Variants in FGFR3 observed in about 807,000 individuals in gnomAD.
FGFR3 encodes FGFR-3.
A neutral mutation model predicts 82.9 loss-of-function variants in FGFR3; 25 were observed. The observed-to-expected ratio is 0.30, with a 90% CI of 0.22 to 0.42. The LOEUF (loss-of-function observed/expected upper bound fraction) is 0.42. Among genes scored for constraint, FGFR3 ranks in the 10% least tolerant of loss-of-function variants. The pLI is 1.00. For missense variants in FGFR3, 1,026 were observed against 1,161.0 expected (o/e 0.88, Z 1.69); for synonymous variants, 620 against 516.0 (o/e 1.20, Z -2.73).
chr4:1,807,614 A>G lies in FGFR3; in HGVS notation c.*352A>G, dbSNP rs1020605536. ...CGTGGGGCAGGGAGCTGGGCCCGACATGGCTCCGGCCTCTGCCTTTGCACC... is the reference window on the plus strand; with the variant it reads ...CGTGGGGCAGGGAGCTGGGCCCGACGTGGCTCCGGCCTCTGCCTTTGCACC... On this transcript the variant is annotated 3_prime_UTR_variant, in exon 18 of 18. Coordinates refer to ENST00000440486, the MANE Select transcript of FGFR3 (RefSeq NM_000142.5). 3 of 660,636 alleles carry G rather than the reference A, an allele frequency of 4.5e-6. No homozygotes were observed. In the Admixed American group the frequency reaches 5.4e-5, roughly 12 times the overall value. The allele number at this position is 660,636 out of a possible 1,614,324, so 40.9% of individuals were successfully genotyped here.
At position 1,807,884 on chromosome 4, in the gene FGFR3, G is replaced by A. The variant is rs184903110; in HGVS notation, c.*622G>A. 9 of 420,940 alleles carry A rather than the reference G, an allele frequency of 2.1e-5. No individual in the cohort carries two copies. The highest frequency in any genetic ancestry group is 1.1e-4 in the Admixed American group (3 of 26,924). 26.1% of individuals were successfully genotyped at this position (420,940 alleles called of 1,614,324 possible). On this transcript the variant is annotated 3_prime_UTR_variant, in exon 18 of 18. Coordinates refer to ENST00000440486, the MANE Select transcript of FGFR3 (RefSeq NM_000142.5). ...GTGTACATTTCTATAAATAGATGCT[G>A]TGTATATGGTATATATACATATATA...
chr4:1,807,518 G>A lies in FGFR3; in HGVS notation c.*256G>A, dbSNP rs774583097. 1 of 715,182 alleles carries A rather than the reference G, an allele frequency of 1.4e-6. No homozygotes were observed. Among genetic ancestry groups the A allele is most frequent in the Admixed American group, 1.9e-5 (1 of 51,438 alleles). 44.3% of individuals were successfully genotyped at this position (715,182 alleles called of 1,614,324 possible). A position where few individuals can be genotyped will look rare whatever the true frequency, so the allele number is the denominator to read the frequency against. ...GTGCAACGGTCTCCTGACTGGTGCT[G>A]CAGCACCGAGGGGCCTTTGTTCTGG... On this transcript the variant is annotated 3_prime_UTR_variant, in exon 18 of 18. Coordinates refer to ENST00000440486, the MANE Select transcript of FGFR3 (RefSeq NM_000142.5).
At chr4:1,803,276 G>A (rs1577280735) in intron 7 of FGFR3, 2 of 591,494 alleles carry the variant, frequency 3.4e-6, no homozygotes, top group South Asian at 5.5e-5. Flanking sequence ...CCGCACGCCT[G>A]CGACCCCCAC....
intron 2 of FGFR3, among the ~76,000 whole-genome samples, chr4:1,795,142 G>C (rs773863448): frequency 2.6e-5 from 4 of 151,956 alleles, no homozygotes; most frequent in Non-Finnish European, 5.9e-5. Flanking sequence ...AAAGTGGCCC[G>C]GCGCTTGAAT....
At chr4:1,800,030 G>A (rs953212177) in intron 4 of FGFR3, among the ~76,000 whole-genome samples, 10 of 152,164 alleles carry the variant, frequency 6.6e-5, no homozygotes, top group African/African-American at 2.2e-4. Flanking sequence ...AGGGGACACC[G>A]TGTTGCTGAT....
In FGFR3 at chr4:1,807,111, A is replaced by G. The variant is rs2108816829; in HGVS notation, c.2275-5A>G. ...CACAGCGCTCACCCCGCCTCCCGCC[A>G]GCAGGAGTACCTGGACCTGTCGGCG... On this transcript the variant is annotated splice_polypyrimidine_tract_variant and splice_region_variant and intron_variant, in intron 17 of 17. Transcript: ENST00000440486. The G allele has an allele frequency of 6.3e-7, 1 of 1,576,794 alleles. No individual in the cohort carries two copies. Among genetic ancestry groups the G allele is most frequent in the Non-Finnish European group, 8.6e-7 (1 of 1,161,752 alleles).
chr4:1,804,099 C>T (rs576998315), intron 8 of FGFR3, among the ~76,000 whole-genome samples: 38 of 152,326 alleles, frequency 2.5e-4, no homozygotes, highest in African/African-American at 7.2e-4. Context: ...GTCTCCCGGG[C>T]GCCTGGTGGC....
chr4:1,807,398 TGCGTGTGTGTGTGTGTGTGTGCACATCC>T lies in FGFR3; in HGVS notation c.*144_*171del, dbSNP rs964365033. On this transcript the variant is annotated 3_prime_UTR_variant, in exon 18 of 18. Transcript: ENST00000440486. ...GAGCTTTGGTCTGTGTGTGTGTGTG[TGCGTGTGTGTGTGTGTGTGTGCACATCC>T]GCGTGTGCCTGTGTGCGTGCGCATC... 2.0e-6 allele frequency: 2 copies of T among 984,964 alleles called. No individual in the cohort carries two copies. The highest frequency in any genetic ancestry group is 6.3e-5 in the African/African-American group (2 of 31,582). 61.0% of individuals were successfully genotyped at this position (984,964 alleles called of 1,614,324 possible). A position where few individuals can be genotyped will look rare whatever the true frequency, so the allele number is the denominator to read the frequency against.
At chr4:1,794,622 G>C (rs2108754473) in intron 2 of FGFR3, among the ~76,000 whole-genome samples, 1 of 152,278 alleles carries the variant, frequency 6.6e-6, no homozygotes, top group East Asian at 1.9e-4. Context: ...AGGCAAGCGA[G>C]GGGCGCGTGT....
Position 1,806,475 on chromosome 4 carries a change from A to G in FGFR3, c.2031-71A>G, listed in dbSNP as rs547023994. The G allele has an allele frequency of 6.8e-5, 110 of 1,611,200 alleles. No homozygotes were observed. The African/African-American group carries it at 1.3e-3, about 18-fold the overall frequency. ...GGGGGCAGCAGCGCAGCCCTGGCCT[A>G]TTCCCCTGGTGCCCGCCCAGGTGTC... On this transcript the variant is annotated intron_variant, in intron 15 of 17. Coordinates refer to ENST00000440486, the MANE Select transcript of FGFR3 (RefSeq NM_000142.5).
rs769590599 is a variant in FGFR3 at position 1,801,363 on chromosome 4, G to T, written c.446-4G>T. The T allele has an allele frequency of 2.1e-5, 33 of 1,552,416 alleles. No homozygotes were observed. The highest frequency in any genetic ancestry group is 2.6e-5 in the Non-Finnish European group (30 of 1,150,460). On this transcript the variant is annotated splice_region_variant and splice_polypyrimidine_tract_variant and intron_variant, in intron 4 of 17. Coordinates refer to ENST00000440486, the MANE Select transcript of FGFR3 (RefSeq NM_000142.5). ...ATGGCCTTCACACGCACCTCGGCCC[G>T]CAGGGGCCCCTTACTGGACACGGCC... is the stretch of plus-strand genomic sequence containing the variant.
intron 2 of FGFR3, 30 bp from the exon 3 acceptor site, chr4:1,799,224 C>T (rs780054684): frequency 6.2e-7 from 1 of 1,611,530 alleles, no homozygotes; most frequent in African/African-American, 1.3e-5. Flanking sequence ...TTGGGGGTGC[C>T]TGCCTCATGG....
At position 1,806,092 on chromosome 4, in the gene FGFR3, C is replaced by T. The variant is rs369137031; in HGVS notation, c.1878C>T (p.Thr626=). Residue 626 remains threonine, a synonymous_variant, in exon 14 of 18, where the codon ACC becomes ACT. Coordinates refer to ENST00000440486, the MANE Select transcript of FGFR3 (RefSeq NM_000142.5). ...RDLAARNVLV[T]EDNVMKIADF... ...TGGCTGCCCGCAATGTGCTGGTGAC[C>T]GAGGACAACGTGATGAAGATCGCAG... 43 of 1,613,538 alleles carry T rather than the reference C, an allele frequency of 2.7e-5. No individual in the cohort carries two copies. The Middle Eastern group carries it at 4.9e-4, about 19-fold the overall frequency.
chr4:1,808,004 G>T lies in FGFR3; in HGVS notation c.*742G>T, dbSNP rs113572688. 8.3e-6 allele frequency: 2 copies of T among 241,742 alleles called. No homozygotes were observed. Among genetic ancestry groups the T allele is most frequent in the East Asian group, 6.0e-5 (1 of 16,772 alleles). 15.0% of individuals were successfully genotyped at this position (241,742 alleles called of 1,614,324 possible). A position where few individuals can be genotyped will look rare whatever the true frequency, so the allele number is the denominator to read the frequency against. ...AGGCATGGCCCTGGGCGGGGCGTGG[G>T]GGGGCGTGGAGGGAGGCCCCAGGGG... On this transcript the variant is annotated 3_prime_UTR_variant, in exon 18 of 18. Coordinates refer to ENST00000440486, the MANE Select transcript of FGFR3 (RefSeq NM_000142.5).
rs1426369141 is a variant in FGFR3, at chr4:1,806,326, G to A, written c.2029G>A (p.Val677Ile). Residue 677 changes from valine to isoleucine, a missense_variant and splice_region_variant, in exon 15 of 18, where the codon GTC becomes ATC. Val to Ile is a conservative substitution (Grantham distance 29). Around this residue, in one of 9 missense-constraint regions of FGFR3, gnomAD observed 45 missense variants for 80.8 expected, o/e 0.56. Coordinates refer to ENST00000440486, the MANE Select transcript of FGFR3 (RefSeq NM_000142.5). ...CCGAGTCTACACTCACCAGAGTGAC[G>A]TGTACGTGTCCTGCAGAGCTCAGGC... Reference protein sequence around the residue: ...FDRVYTHQSDVWSFGVLLWEI... With the variant: ...FDRVYTHQSDIWSFGVLLWEI... 2.5e-6 allele frequency: 4 copies of A among 1,612,920 alleles called. No homozygotes were observed. The highest frequency in any genetic ancestry group is 2.5e-6 in the Non-Finnish European group (3 of 1,179,984).
At chr4:1,803,143 C>G in intron 7 of FGFR3, 3 of 1,392,864 alleles carry the variant, frequency 2.2e-6, no homozygotes, top group Non-Finnish European at 2.8e-6. Flanking sequence ...ACGCCCCGCA[C>G]GCCCAGCCCT....
intron 4 of FGFR3, 130 bp from the exon 5 acceptor site, chr4:1,801,237 C>G: frequency 9.4e-7 from 1 of 1,061,014 alleles, no homozygotes; most frequent in East Asian, 2.6e-5. Context: ...GAACCTCATC[C>G]CGCCCTCTTC....
chr4:1,804,209 G>A (rs1484075459), intron 8 of FGFR3, 121 bp from the exon 9 acceptor site: 13 of 1,133,396 alleles, frequency 1.1e-5, no homozygotes, highest in African/African-American at 3.1e-5. Context: ...GACAAGGCGC[G>A]TGCTGAGGTT....
rs1722266005 is a variant in FGFR3, at chr4:1,808,691, T to C, written c.*1429T>C. On this transcript the variant is annotated 3_prime_UTR_variant, in exon 18 of 18. Coordinates refer to ENST00000440486, the MANE Select transcript of FGFR3 (RefSeq NM_000142.5). ...TGAATTCAGTTGGTTCGTTCTGTAC[T>C]GTTACTGGGCCCTGAGTCTGGGCAG... 4.3e-6 allele frequency: 1 copy of C among 232,570 alleles called. No homozygotes were observed. The highest frequency in any genetic ancestry group is 8.5e-6 in the Non-Finnish European group (1 of 117,450). 14.4% of individuals were successfully genotyped at this position (232,570 alleles called of 1,614,324 possible).
Sources: gnomAD v4.1 joint callset for allele counts (sites outside exome capture counted in the v4.1 genomes callset) on GRCh38, gnomAD v4.1.1 for gene constraint, gnomAD v4.1.1 regional missense constraint, MANE v1.5 for transcripts, NCBI Gene and HGNC (gene_info 2026-07-23, HGNC 2026-07-21) for gene names.